USP34: variants seen among roughly 807,000 people sequenced by gnomAD.
The protein encoded by USP34 is ubiquitin specific peptidase 34.
In USP34, 70 loss-of-function variants were observed where a neutral mutation model predicts 460.3. The ratio of observed to expected loss-of-function variants is 0.15; its 90% CI spans 0.13 to 0.19. USP34 has a LOEUF of 0.19. USP34 is among the 10% of genes least tolerant of loss of function. The pLI, the probability that USP34 is intolerant of heterozygous loss-of-function variation, is 1.00. For missense variants in USP34, 3,985 were observed against 4,236.2 expected, an observed-to-expected ratio of 0.94 and a Z score of 1.65; for synonymous variants, 1,647 against 1,405.3, an observed-to-expected ratio of 1.17 and a Z score of -3.85.
chr2:61,422,539 A>T (rs1694393003), intron 1 of USP34, among the ~76,000 whole-genome samples: 1 of 152,240 alleles, frequency 6.6e-6, no homozygotes, highest in African/African-American at 2.4e-5. Flanking sequence ...GTGAAAGCCC[A>T]AAAGCTTTTC....
chr2:61,401,165 A>AT (rs1354674707), intron 3 of USP34, among the ~76,000 whole-genome samples: 4 of 151,432 alleles, frequency 2.6e-5, no homozygotes, highest in African/African-American at 7.3e-5. Flanking sequence ...AAAAAAAAAA[A>AT]AAAATTAAAA....
At chr2:61,216,549 G>A (rs534666365) in intron 67 of USP34, among the ~76,000 whole-genome samples, 8 of 151,952 alleles carry the variant, frequency 5.3e-5, no homozygotes, top group South Asian at 4.2e-4. Context: ...GCAGTAAGCC[G>A]AGATTGCGCC....
At chr2:61,350,716 A>G (rs373459922) in intron 10 of USP34, 23 bp from the exon 11 acceptor site, 9 of 1,600,350 alleles carry the variant, frequency 5.6e-6, no homozygotes, top group African/African-American at 1.3e-5. Flanking sequence ...GTTAGAGAGA[A>G]TGGTCAAAAA....
At chr2:61,387,893 AT>A (rs1200373303) in intron 5 of USP34, among the ~76,000 whole-genome samples, 1 of 149,920 alleles carries the variant, frequency 6.7e-6, no homozygotes, top group East Asian at 1.9e-4. Flanking sequence ...GTAAAAATAT[AT>A]TTTTATATAT....
intron 41 of USP34, among the ~76,000 whole-genome samples, chr2:61,270,354 CAG>C (rs1055455044): frequency 1.8e-4 from 28 of 152,272 alleles, no homozygotes; most frequent in African/African-American, 6.5e-4. Context: ...GTGAATCTGC[CAG>C]AGTTTTGATC....
chr2:61,448,228 C>T (rs1373673666), intron 1 of USP34, among the ~76,000 whole-genome samples: 1 of 152,166 alleles, frequency 6.6e-6, no homozygotes, highest in Non-Finnish European at 1.5e-5. Flanking sequence ...AATCCCAGTA[C>T]TTTGGGCGGC....
intron 15 of USP34, chr2:61,346,395 A>C (rs994458914): frequency 2.6e-5 from 4 of 151,418 alleles, no homozygotes; most frequent in African/African-American, 9.7e-5. Context: ...GAGTGGCAAC[A>C]CACACCTTAA....
intron 34 of USP34, among the ~76,000 whole-genome samples, chr2:61,287,022 A>C (rs1689710818): frequency 6.6e-6 from 1 of 152,224 alleles, no homozygotes; most frequent in Non-Finnish European, 1.5e-5. Flanking sequence ...CATTATAGTA[A>C]TGTAAGGTTA....
chr2:61,289,715 T>C (rs1226578527), intron 33 of USP34, among the ~76,000 whole-genome samples: 2 of 152,088 alleles, frequency 1.3e-5, no homozygotes, highest in Non-Finnish European at 1.5e-5. Context: ...TTTCAACAAA[T>C]TGGTGCTATA....
intron 7 of USP34, 104 bp downstream of exon 7, chr2:61,380,065 T>G: frequency 5.3e-6 from 5 of 937,186 alleles, no homozygotes; most frequent in Non-Finnish European, 7.7e-6. Flanking sequence ...CATAAAATAC[T>G]TAGCACAATG....
Position 61,346,973 on chromosome 2 carries a change from A to T in USP34, c.2285+897T>A, listed in dbSNP as rs192992551. Among the ~76,000 whole-genome samples, 47 of 151,876 alleles carry T rather than the reference A, an allele frequency of 3.1e-4. No homozygotes were observed. In the East Asian group the frequency reaches 7.2e-3, roughly 23 times the overall value. ...GTCAACACGGTGAAACCCCATCTCT[A>T]CTAAAAATACTAAAAAAGTAGCCAG... On this transcript the variant is annotated intron_variant, in intron 15 of 79. Coordinates refer to ENST00000398571, the MANE Select transcript of USP34 (RefSeq NM_014709.4).
intron 10 of USP34, among the ~76,000 whole-genome samples, chr2:61,364,088 TAAAA>T (rs1193201243): frequency 6.6e-6 from 1 of 152,146 alleles, no homozygotes; most frequent in Non-Finnish European, 1.5e-5. Flanking sequence ...TGACAGAATG[TAAAA>T]CAGCTGAGCA....
At chr2:61,236,526 T>G in intron 53 of USP34, 137 bp from the exon 54 acceptor site, 1 of 643,362 alleles carries the variant, frequency 1.6e-6, no homozygotes, top group Non-Finnish European at 2.6e-6. Context: ...TTCATTTTGA[T>G]TTTTTCCCAA....
intron 38 of USP34, 106 bp downstream of exon 38, chr2:61,280,984 A>C: frequency 8.2e-7 from 1 of 1,226,624 alleles, no homozygotes; most frequent in East Asian, 2.5e-5. Context: ...AAAAAATCAC[A>C]TACAGTAGTC....
At chr2:61,393,336 C>A (rs1033293571) in intron 5 of USP34, among the ~76,000 whole-genome samples, 1 of 150,676 alleles carries the variant, frequency 6.6e-6, no homozygotes, top group Non-Finnish European at 1.5e-5. Context: ...GAGGCTGAGG[C>A]AGGAGAATCA....
At chr2:61,319,491 G>A (rs1690848137) in intron 21 of USP34, among the ~76,000 whole-genome samples, 164 bp from the exon 22 acceptor site, 1 of 151,260 alleles carries the variant, frequency 6.6e-6, no homozygotes, top group Admixed American at 6.6e-5. Context: ...TTTACCATAT[G>A]TTAATTGATA....
At chr2:61,262,116 A>AAAAAT (rs1553359480) in intron 43 of USP34, among the ~76,000 whole-genome samples, 10 of 47,380 alleles carry the variant, frequency 2.1e-4, no homozygotes, top group Non-Finnish European at 3.6e-4. Context: ...AAAAAAAAAA[A>AAAAAT]ATATATATAT....
intron 5 of USP34, among the ~76,000 whole-genome samples, chr2:61,388,859 A>G (rs1375948595): frequency 6.6e-6 from 1 of 152,034 alleles, no homozygotes; most frequent in Non-Finnish European, 1.5e-5. Context: ...ATGCACACAC[A>G]TGTTCACCAA....
chr2:61,250,853 T>C (rs996439037), intron 48 of USP34, among the ~76,000 whole-genome samples: 1 of 152,236 alleles, frequency 6.6e-6, no homozygotes, highest in South Asian at 2.1e-4. Flanking sequence ...TAATATCTAC[T>C]GTAGGCTGGG....
Sources: allele counts gnomAD v4.1 joint callset (sites outside exome capture counted in the v4.1 genomes callset), GRCh38; gene constraint gnomAD v4.1.1; transcripts MANE v1.5; gene names NCBI Gene and HGNC (gene_info 2026-07-23, HGNC 2026-07-21).